Variants in ADAM20 observed in about 807,000 individuals in gnomAD.
ADAM20 encodes disintegrin and metalloproteinase domain-containing protein 20.
For missense variants in ADAM20, 871 were observed against 883.2 expected (o/e 0.99, Z 0.18); for synonymous variants, 305 against 310.2 (o/e 0.98, Z 0.18).
At chr14:70,534,433 CAATAACCAAAA>C (rs1883787212) in intron 1 of ADAM20, among the ~76,000 whole-genome samples, 1 of 151,740 alleles carries the variant, frequency 6.6e-6, no homozygotes, top group South Asian at 2.1e-4. Flanking sequence ...GCATTATTTA[CAATAACCAAAA>C]GGTGGAAAAA....
the ADAM20 span, among the ~76,000 whole-genome samples, chr14:70,560,742 T>C: frequency 5.4e-3 from 825 of 152,248 alleles, 6 homozygotes; most frequent in African/African-American, 0.019. Context: ...CTTGCCACCA[T>C]GTAAAGAAAG....
the ADAM20 span, among the ~76,000 whole-genome samples, chr14:70,560,059 G>A: frequency 5.9e-5 from 9 of 152,080 alleles, no homozygotes; most frequent in African/African-American, 1.7e-4. Flanking sequence ...CTCAAAATAT[G>A]TTTTCATCCA....
chr14:70,542,017 G>A, the ADAM20 span, among the ~76,000 whole-genome samples: 1 of 151,902 alleles, frequency 6.6e-6, no homozygotes, highest in Non-Finnish European at 1.5e-5. Flanking sequence ...AGTAGGACAG[G>A]AATTAACTGC....
chr14:70,534,597 G>A (rs1004578543), intron 1 of ADAM20, among the ~76,000 whole-genome samples, 200 bp downstream of exon 1: 11 of 152,036 alleles, frequency 7.2e-5, no homozygotes, highest in African/African-American at 2.4e-4. Context: ...TTCCACTTAC[G>A]AGGTATCTAA....
At chr14:70,575,521 T>A in the ADAM20 span, among the ~76,000 whole-genome samples, 1 of 152,118 alleles carries the variant, frequency 6.6e-6, no homozygotes, top group Admixed American at 6.5e-5. Context: ...CACAAAAAAA[T>A]CTAGAGGCAA....
At chr14:70,578,988 C>G in the ADAM20 span, among the ~76,000 whole-genome samples, 1 of 152,084 alleles carries the variant, frequency 6.6e-6, no homozygotes, top group African/African-American at 2.4e-5. Flanking sequence ...TGGCCTCCAG[C>G]TGCTTTCATG....
In ADAM20 at chr14:70,528,329, A is replaced by G. The variant is rs549593316; in HGVS notation, c.-176-3396T>C. ...CAATTTTATATCTTTGCCATCTACT[A>G]TCTTCTTTTTTAGATATGGTTGTGA... On this transcript the variant is annotated intron_variant, in intron 1 of 1. Coordinates refer to ENST00000256389, the MANE Select transcript of ADAM20 (RefSeq NM_003814.5). Among the ~76,000 whole-genome samples the G allele has an allele frequency of 4.6e-5, 7 of 152,348 alleles. No homozygotes were observed. The South Asian group carries it at 8.3e-4, about 18-fold the overall frequency.
the ADAM20 span, among the ~76,000 whole-genome samples, chr14:70,564,072 A>G: frequency 6.6e-6 from 1 of 152,200 alleles, no homozygotes; most frequent in Non-Finnish European, 1.5e-5. Flanking sequence ...GCCTACTGCC[A>G]TTTCAGTGTA....
chr14:70,526,300 C>T (rs955526296), intron 1 of ADAM20, among the ~76,000 whole-genome samples: 1 of 152,148 alleles, frequency 6.6e-6, no homozygotes, highest in African/African-American at 2.4e-5. Context: ...GTGCAACCTC[C>T]TTAGCATTAT....
In ADAM20 at chr14:70,523,464, C is replaced by A; in HGVS notation, c.1294G>T (p.Asp432Tyr). 2 of 1,614,078 alleles carry A rather than the reference C, an allele frequency of 1.2e-6. No homozygotes were observed. Among genetic ancestry groups the A allele is most frequent in the African/African-American group, 1.3e-5 (1 of 75,048 alleles). The change falls in exon 2 of 2, where the codon GAT becomes TAT. Residue 432 changes from aspartate (D) to tyrosine (Y), a missense_variant. Coordinates refer to ENST00000256389, the MANE Select transcript of ADAM20 (RefSeq NM_003814.5). ...DCGTIRQCAK[D>Y]PCCLLNCTLH... is the part of the protein sequence containing the mutation. ...GTACAGTTTAACAGACAACAGGGAT[C>A]TTTTGCACACTGCCGTATGGTTCCA...
At chr14:70,562,524 G>A in the ADAM20 span, among the ~76,000 whole-genome samples, 1 of 152,142 alleles carries the variant, frequency 6.6e-6, no homozygotes, top group Non-Finnish European at 1.5e-5. Context: ...AGAGGCCAGG[G>A]GTGAAATAAT....
chr14:70,526,211 C>A (rs1047902840), intron 1 of ADAM20, among the ~76,000 whole-genome samples: 2 of 152,146 alleles, frequency 1.3e-5, no homozygotes, highest in Admixed American at 1.3e-4. Context: ...TATTTGAAAT[C>A]AAAATGTTAA....
At chr14:70,576,095 A>G in the ADAM20 span, among the ~76,000 whole-genome samples, 2 of 152,218 alleles carry the variant, frequency 1.3e-5, no homozygotes, top group African/African-American at 4.8e-5. Context: ...CAAAAAGTTT[A>G]AAAAGAATAA....
At chr14:70,538,332 G>A (rs541467672), upstream of ADAM20, among the ~76,000 whole-genome samples, 22 of 152,168 alleles carry the variant, frequency 1.4e-4, no homozygotes, top group East Asian at 5.8e-4. Context: ...GATCTTTCCC[G>A]GAAAATCCCC....
At chr14:70,558,093 G>C in the ADAM20 span, among the ~76,000 whole-genome samples, 3 of 152,212 alleles carry the variant, frequency 2.0e-5, no homozygotes, top group Admixed American at 2.0e-4. Flanking sequence ...AAGGTAACAA[G>C]TGTGTGGCAC....
the ADAM20 span, among the ~76,000 whole-genome samples, chr14:70,558,124 G>T: frequency 6.6e-6 from 1 of 152,160 alleles, no homozygotes; most frequent in Non-Finnish European, 1.5e-5. Context: ...ACAGAATATT[G>T]ACAGGTACAG....
At chr14:70,532,143 AACAG>A (rs1381512871) in intron 1 of ADAM20, among the ~76,000 whole-genome samples, 3 of 152,140 alleles carry the variant, frequency 2.0e-5, no homozygotes, top group African/African-American at 7.2e-5. Flanking sequence ...CTGGCATAAA[AACAG>A]ACAGAATACA....
At chr14:70,535,290 T>A (rs1029547796), upstream of ADAM20, among the ~76,000 whole-genome samples, 5 of 152,150 alleles carry the variant, frequency 3.3e-5, no homozygotes, top group African/African-American at 1.2e-4. Context: ...TAAAAGAATC[T>A]CTCCTTTGTT....
chr14:70,562,163 C>A, the ADAM20 span, among the ~76,000 whole-genome samples: 1 of 152,254 alleles, frequency 6.6e-6, no homozygotes, highest in African/African-American at 2.4e-5. Flanking sequence ...GCCTTGGGAG[C>A]CCATCCCTTG....
Sources: allele counts gnomAD v4.1 joint callset (sites outside exome capture counted in the v4.1 genomes callset), GRCh38; gene constraint gnomAD v4.1.1; transcripts MANE v1.5; gene names NCBI Gene and HGNC (gene_info 2026-07-23, HGNC 2026-07-21).